The following MAML2 variants were observed in gnomAD, a reference collection of about 807,000 sequenced individuals.
MAML2 encodes mastermind like transcriptional coactivator 2, also known as mastermind-like protein 2.
MAML2 carries 22 observed loss-of-function variants against 96.1 expected under a neutral mutation model. The ratio of observed to expected loss-of-function variants is 0.23; its 90% confidence interval spans 0.16 to 0.33. MAML2 has a LOEUF of 0.33. Among genes scored for constraint, MAML2 ranks in the 10% least tolerant of loss-of-function variants. The pLI, the probability that MAML2 is intolerant of heterozygous loss-of-function variation, is 1.00. For synonymous variants in MAML2, 561 were observed against 521.3 expected (o/e 1.08, Z -1.04); for missense variants, 1,367 against 1,392.4 (o/e 0.98, Z 0.29).
At chr11:96,146,009 A>C (rs76510515) in intron 1 of MAML2, among the ~76,000 whole-genome samples, 1 of 147,850 alleles carries the variant, frequency 6.8e-6, no homozygotes, top group Non-Finnish European at 1.5e-5. Flanking sequence ...ACTCCGTCTC[A>C]AAAAAAAAAA....
intron 2 of MAML2, among the ~76,000 whole-genome samples, chr11:96,035,343 G>C (rs1858693933): frequency 6.6e-6 from 1 of 152,202 alleles, no homozygotes; most frequent in Non-Finnish European, 1.5e-5. Context: ...TAAAAAAGTA[G>C]TGCGTGTTTT....
intron 1 of MAML2, among the ~76,000 whole-genome samples, chr11:96,301,864 C>T (rs1306779759): frequency 2.6e-5 from 4 of 152,168 alleles, no homozygotes; most frequent in Non-Finnish European, 5.9e-5. Context: ...ATAATTCACA[C>T]GTTTTATAAT....
At chr11:96,143,371 T>C (rs900902357) in intron 1 of MAML2, among the ~76,000 whole-genome samples, 2 of 152,180 alleles carry the variant, frequency 1.3e-5, no homozygotes. Flanking sequence ...CAAATATTAA[T>C]AGGAAACAGG....
chr11:96,227,010 C>G (rs1591083177), intron 1 of MAML2, among the ~76,000 whole-genome samples: 1 of 152,138 alleles, frequency 6.6e-6, no homozygotes, highest in Non-Finnish European at 1.5e-5. Context: ...AAGTGACAAA[C>G]CAGTAGCTAC....
intron 1 of MAML2, among the ~76,000 whole-genome samples, chr11:96,114,785 C>T (rs1002302915): frequency 6.6e-6 from 1 of 152,144 alleles, no homozygotes; most frequent in African/African-American, 2.4e-5. Context: ...AGGCTCAGGC[C>T]CCATCTGCTG....
At position 96,342,830 on chromosome 11, in the gene MAML2, C is replaced by A. The variant is rs147160306; in HGVS notation, c.-935G>T. ...TTCCCGCTTACGTTTCTATTCCTCACCCCCGGCTCTATTCTAATACAGTAT... is the reference window on the plus strand; with the variant it reads ...TTCCCGCTTACGTTTCTATTCCTCAACCCCGGCTCTATTCTAATACAGTAT... On this transcript the variant is annotated 5_prime_UTR_variant, in exon 1 of 5. Coordinates refer to ENST00000524717, the MANE Select transcript of MAML2 (RefSeq NM_032427.4). 6 of 323,124 alleles carry A rather than the reference C, an allele frequency of 1.9e-5. No individual in the cohort carries two copies. The highest frequency in any genetic ancestry group is 7.9e-4 in the Middle Eastern group (1 of 1,268). The allele number at this position is 323,124 out of a possible 1,614,324, so 20.0% of individuals were successfully genotyped here. A position where few individuals can be genotyped will look rare whatever the true frequency, so the allele number is the denominator to read the frequency against.
At chr11:96,143,023 A>G (rs1324258858) in intron 1 of MAML2, among the ~76,000 whole-genome samples, 3 of 152,216 alleles carry the variant, frequency 2.0e-5, no homozygotes, top group Non-Finnish European at 4.4e-5. Flanking sequence ...AATGGGAAAA[A>G]ATAGCAATAA....
intron 1 of MAML2, among the ~76,000 whole-genome samples, chr11:96,249,515 T>C (rs1017410065): frequency 3.3e-5 from 5 of 152,078 alleles, no homozygotes; most frequent in African/African-American, 4.8e-5. Flanking sequence ...GCCTCTTCTT[T>C]CCTCAGTAAC....
Position 96,341,848 on chromosome 11 carries a change from C to T in MAML2, c.48G>A (p.Gly16=), listed in dbSNP as rs767623645. 18 of 1,561,054 alleles carry T rather than the reference C, an allele frequency of 1.2e-5. No individual in the cohort carries two copies. Among genetic ancestry groups the T allele is most frequent in the Admixed American group, 1.9e-5 (1 of 53,514 alleles). Residue 16 remains glycine (G), a synonymous_variant, in exon 1 of 5, where the codon GGG becomes GGA. Transcript: ENST00000524717. ...CTCCAAGGAGCCCCGCCCCAGAGGC[C>T]CCCCCTAGCCCTCCTGCGGGGGCCT... ...PPQAPAGGLG[G]ASGAGLLGGG... is the part of the protein sequence containing the mutation.
chr11:95,987,163 T>A (rs750778570), intron 3 of MAML2, among the ~76,000 whole-genome samples: 1 of 152,214 alleles, frequency 6.6e-6, no homozygotes, highest in Non-Finnish European at 1.5e-5. Context: ...GAAGTAGCTA[T>A]CACTCATTTA....
chr11:95,985,555 T>C lies in MAML2; in HGVS notation c.2431A>G (p.Met811Val), dbSNP rs1429516078. ...YKDQRRNVGN[M>V]QPTAQYSGGS... ...CCAGAATACTGAGCAGTTGGTTGCA[T>C]ATTGCCCACATTTCTTCTTTGGTCT... The change falls in exon 4 of 5, where the codon ATG becomes GTG. Residue 811 changes from methionine to valine, a missense_variant. Transcript: ENST00000524717. The C allele has an allele frequency of 1.2e-6, 2 of 1,610,478 alleles. No individual in the cohort carries two copies. The highest frequency in any genetic ancestry group is 1.7e-6 in the Non-Finnish European group (2 of 1,177,284).
At chr11:96,177,751 A>G (rs1861409283) in intron 1 of MAML2, among the ~76,000 whole-genome samples, 1 of 152,196 alleles carries the variant, frequency 6.6e-6, no homozygotes, top group Admixed American at 6.5e-5. Flanking sequence ...AAGGATTTCC[A>G]TGAAAGATAG....
intron 1 of MAML2, among the ~76,000 whole-genome samples, chr11:96,141,954 C>T (rs1006770890): frequency 3.3e-5 from 5 of 152,174 alleles, no homozygotes; most frequent in Middle Eastern, 3.4e-3. Flanking sequence ...GGCGTTGGGG[C>T]GATCAAAAAA....
intron 2 of MAML2, among the ~76,000 whole-genome samples, chr11:95,993,469 G>C (rs1318213349): frequency 6.6e-6 from 1 of 152,088 alleles, no homozygotes; most frequent in African/African-American, 2.4e-5. Context: ...TACTCAGGAG[G>C]CTGAGGCATG....
intron 1 of MAML2, among the ~76,000 whole-genome samples, chr11:96,133,447 A>G (rs1254106377): frequency 6.6e-6 from 1 of 152,164 alleles, no homozygotes; most frequent in Non-Finnish European, 1.5e-5. Context: ...ACATGTCTTC[A>G]TGCATGGGAG....
intron 1 of MAML2, among the ~76,000 whole-genome samples, chr11:96,340,987 G>T (rs1591141668): frequency 1.3e-5 from 2 of 152,314 alleles, no homozygotes; most frequent in African/African-American, 4.8e-5. Flanking sequence ...GCTGATAAAT[G>T]CTTTGGGGCT....
At chr11:96,155,276 AG>A (rs1305930524) in intron 1 of MAML2, among the ~76,000 whole-genome samples, 1 of 151,896 alleles carries the variant, frequency 6.6e-6, no homozygotes, top group African/African-American at 2.4e-5. Flanking sequence ...TGGGCCAGAA[AG>A]GGTGAAGAGA....
chr11:95,979,952 T>C lies in MAML2; in HGVS notation c.2467A>G (p.Thr823Ala). 1.2e-6 allele frequency: 2 copies of C among 1,610,524 alleles called. No individual in the cohort carries two copies. The highest frequency in any genetic ancestry group is 8.5e-7 in the Non-Finnish European group (1 of 1,178,286). The change falls in exon 5 of 5, where the codon ACA becomes GCA. Residue 823 changes from threonine (T) to alanine (A), a missense_variant. Transcript: ENST00000524717. Reference protein sequence around the residue: ...PTAQYSGGSSTISLNSNQALA... With the variant: ...PTAQYSGGSSAISLNSNQALA... Reference sequence around the variant, plus strand: ...GCCTGGTTAGAGTTTAAGCTTATTGTGGATGAGCCACCTGAGAAAAAGAAG... The same window carrying C: ...GCCTGGTTAGAGTTTAAGCTTATTGCGGATGAGCCACCTGAGAAAAAGAAG...
At chr11:96,318,375 CTTAAG>C (rs1253691817) in intron 1 of MAML2, among the ~76,000 whole-genome samples, 6 of 152,166 alleles carry the variant, frequency 3.9e-5, no homozygotes, top group African/African-American at 1.4e-4. Context: ...AACCTTATTT[CTTAAG>C]TTAATATACT....
Sources: gnomAD v4.1 joint callset for allele counts (sites outside exome capture counted in the v4.1 genomes callset) on GRCh38, gnomAD v4.1.1 for gene constraint, MANE v1.5 for transcripts, NCBI Gene and HGNC (gene_info 2026-07-23, HGNC 2026-07-21) for gene names.